SPTBN4: variants seen among roughly 807,000 people sequenced by gnomAD.
The protein encoded by SPTBN4 is spectrin beta chain, non-erythrocytic 4.
SPTBN4 carries 96 observed loss-of-function variants against 277.8 expected under a neutral mutation model. The ratio of observed to expected loss-of-function variants is 0.35; its 90% CI spans 0.29 to 0.41. SPTBN4 has a LOEUF of 0.41. Among genes scored for constraint, SPTBN4 ranks in the 10% least tolerant of loss-of-function variants. The pLI is 1.00. For missense variants in SPTBN4, 3,006 were observed against 3,595.7 expected (o/e 0.84, Z 4.19); for synonymous variants, 1,481 against 1,580.3 (o/e 0.94, Z 1.49).
chr19:40,555,249 G>A (rs979789032), intron 24 of SPTBN4: 1 of 152,276 alleles, frequency 6.6e-6, no homozygotes, highest in Admixed American at 6.6e-5. Context: ...GAAACCGGGT[G>A]AGGCTGCCGA....
At chr19:40,553,323 AT>A (rs540467523) in intron 22 of SPTBN4, among the ~76,000 whole-genome samples, 25 of 152,152 alleles carry the variant, frequency 1.6e-4, no homozygotes, top group Non-Finnish European at 3.2e-4. Context: ...CTCCAAAAAT[AT>A]TTTTTAAAAT....
At chr19:40,529,010 C>A in intron 17 of SPTBN4, 31 bp from the exon 18 acceptor site, 1 of 1,598,440 alleles carries the variant, frequency 6.3e-7, no homozygotes, top group Non-Finnish European at 8.6e-7. Context: ...AACCCGGGGC[C>A]TTTCCCCAGC....
intron 17 of SPTBN4, chr19:40,524,746 T>C (rs2080570336): frequency 2.6e-6 from 1 of 392,086 alleles, no homozygotes; most frequent in Admixed American, 2.9e-5. Flanking sequence ...AGTGAGTGTC[T>C]GCATGTCTCT....
intron 12 of SPTBN4, among the ~76,000 whole-genome samples, chr19:40,505,414 G>A (rs1480540706): frequency 2.7e-5 from 4 of 145,764 alleles, no homozygotes; most frequent in Non-Finnish European, 4.5e-5. Flanking sequence ...AGAAGAAGCC[G>A]GGCACGGTGG....
intron 7 of SPTBN4, among the ~76,000 whole-genome samples, chr19:40,500,724 G>A (rs1049228932): frequency 2.6e-5 from 4 of 152,108 alleles, no homozygotes; most frequent in African/African-American, 4.8e-5. Flanking sequence ...GTGTGTGCCT[G>A]TAATCTCAGC....
chr19:40,494,090 G>A (rs2080168008), intron 5 of SPTBN4, among the ~76,000 whole-genome samples: 2 of 150,508 alleles, frequency 1.3e-5, no homozygotes, highest in Admixed American at 6.6e-5. Flanking sequence ...CTGCCCTGCA[G>A]GGAGCAGTAA....
At chr19:40,498,111 A>G (rs1378144989) in intron 7 of SPTBN4, among the ~76,000 whole-genome samples, 1 of 151,024 alleles carries the variant, frequency 6.6e-6, no homozygotes, top group African/African-American at 2.4e-5. Flanking sequence ...GCCCATCCCC[A>G]TGTCTATCTC....
At chr19:40,550,445 T>A in intron 22 of SPTBN4, 118 bp downstream of exon 22, 3 of 854,564 alleles carry the variant, frequency 3.5e-6, no homozygotes, top group Non-Finnish European at 5.6e-6. Context: ...AACAAGACTG[T>A]GGACAGCAGA....
At chr19:40,534,648 A>C in intron 20 of SPTBN4, 1 of 387,110 alleles carries the variant, frequency 2.6e-6, no homozygotes, top group Non-Finnish European at 4.8e-6. Flanking sequence ...GGATGGAGAA[A>C]CCAAGGCTCA....
chr19:40,503,375 G>A (rs1205029791), intron 11 of SPTBN4, among the ~76,000 whole-genome samples: 1 of 152,030 alleles, frequency 6.6e-6, no homozygotes, highest in African/African-American at 2.4e-5. Flanking sequence ...ACAGGAGGGT[G>A]GGACTTGTTT....
intron 27 of SPTBN4, among the ~76,000 whole-genome samples, chr19:40,561,168 C>T (rs1461531532): frequency 1.3e-5 from 2 of 152,258 alleles, no homozygotes; most frequent in Non-Finnish European, 2.9e-5. Flanking sequence ...CGCCCACCAC[C>T]ACGTCTGGCT....
chr19:40,506,030 G>A (rs1238394659), intron 12 of SPTBN4, among the ~76,000 whole-genome samples: 1 of 152,196 alleles, frequency 6.6e-6, no homozygotes, highest in Non-Finnish European at 1.5e-5. Flanking sequence ...CAGCAGCTGG[G>A]GCTCAGCTTT....
rs969051282 is a variant in SPTBN4, at chr19:40,566,286, G to A, written c.6263G>A (p.Arg2088Gln). Reference protein sequence around the residue: ...SSVDEVEQLIRRHEAFRKAAA... With the variant: ...SSVDEVEQLIQRHEAFRKAAA... Reference sequence around the variant, plus strand: ...GTGGATGAGGTGGAGCAGCTTATCCGGCGACATGAGGCCTTCCGCAAAGCG... The same window carrying A: ...GTGGATGAGGTGGAGCAGCTTATCCAGCGACATGAGGCCTTCCGCAAAGCG... The change falls in exon 30 of 36, where the codon CGG becomes CAG. Residue 2088 changes from arginine to glutamine, a missense_variant. Arg to Gln is a conservative substitution (Grantham distance 43, BLOSUM62 1). This residue lies in a region of SPTBN4 where 425 missense variants were observed against 594.7 expected (regional missense o/e 0.71). Coordinates refer to ENST00000598249, the MANE Select transcript of SPTBN4 (RefSeq NM_020971.3). 1.0e-5 allele frequency: 16 copies of A among 1,591,648 alleles called. No homozygotes were observed. Among genetic ancestry groups the A allele is most frequent in the East Asian group, 2.3e-5 (1 of 43,860 alleles).
rs754835600 is a variant in SPTBN4, at chr19:40,490,797, C to T, written c.495+549C>T. 6.6e-6 allele frequency among the ~76,000 whole-genome samples: 1 copy of T among 152,178 alleles called. No individual in the cohort carries two copies. The highest frequency in any genetic ancestry group is 2.4e-5 in the African/African-American group (1 of 41,518). On this transcript the variant is annotated intron_variant, in intron 4 of 35. Transcript: ENST00000598249. The surrounding 1 kb of genome is among the most constrained non-coding windows in gnomAD (Gnocchi z 4.3). ...GGGCCAGGTGAAGTGGCCTGTAAACCCAGCACTTTGCGAGGCTGAGATGGG... is the reference window on the plus strand; with the variant it reads ...GGGCCAGGTGAAGTGGCCTGTAAACTCAGCACTTTGCGAGGCTGAGATGGG...
chr19:40,560,638 C>A lies in SPTBN4; in HGVS notation c.5915+235C>A. On this transcript the variant is annotated intron_variant, in intron 27 of 35. Transcript: ENST00000598249. The surrounding 1 kb of genome is among the most constrained non-coding windows in gnomAD (Gnocchi z 5.2). ...TTCTGTCCGCTGTCCTTCCCAGTTG[C>A]CTATTATTACCCTCTCCATGGGATG... is the stretch of plus-strand genomic sequence containing the variant. 1.4e-6 allele frequency: 2 copies of A among 1,432,892 alleles called. No individual in the cohort carries two copies. Among genetic ancestry groups the A allele is most frequent in the South Asian group, 1.5e-5 (1 of 66,930 alleles). The allele number at this position is 1,432,892 out of a possible 1,614,324, so 88.8% of individuals were successfully genotyped here. A position where few individuals can be genotyped will look rare whatever the true frequency, so the allele number is the denominator to read the frequency against.
chr19:40,490,398 T>C lies in SPTBN4; in HGVS notation c.495+150T>C. 9.3e-7 allele frequency: 1 copy of C among 1,070,492 alleles called. No individual in the cohort carries two copies. Among genetic ancestry groups the C allele is most frequent in the Non-Finnish European group, 1.3e-6 (1 of 758,758 alleles). 66.3% of individuals were successfully genotyped at this position (1,070,492 alleles called of 1,614,324 possible). ...TTAGGGATGAAAATAATGATAAAAA[T>C]AATTGTCACGATCACCACCATCACG... is the stretch of plus-strand genomic sequence containing the variant. On this transcript the variant is annotated intron_variant, in intron 4 of 35. Coordinates refer to ENST00000598249, the MANE Select transcript of SPTBN4 (RefSeq NM_020971.3). This position sits in a 1 kb window ranked among gnomAD's most constrained non-coding sequence, Gnocchi z 4.3.
At chr19:40,467,894 G>A (rs1051646332) in intron 1 of SPTBN4, among the ~76,000 whole-genome samples, 2 of 152,216 alleles carry the variant, frequency 1.3e-5, no homozygotes, top group Non-Finnish European at 2.9e-5. Flanking sequence ...GAATAAAGCG[G>A]AACTTGAACT....
At chr19:40,483,325 A>C (rs2080033478) in intron 2 of SPTBN4, among the ~76,000 whole-genome samples, 1 of 152,116 alleles carries the variant, frequency 6.6e-6, no homozygotes, top group Admixed American at 6.6e-5. Flanking sequence ...CAGAGGAATA[A>C]ATCCTCAATT....
chr19:40,507,778 T>C (rs952156652), intron 13 of SPTBN4, among the ~76,000 whole-genome samples: 2 of 152,086 alleles, frequency 1.3e-5, no homozygotes, highest in African/African-American at 4.8e-5. Context: ...GAGGTTGCCA[T>C]GAGCCGAGAT....
Sources: allele counts gnomAD v4.1 joint callset (sites outside exome capture counted in the v4.1 genomes callset), GRCh38; gene constraint gnomAD v4.1.1; regional missense constraint gnomAD v4.1.1; non-coding constraint Gnocchi (gnomAD v3.1); transcripts MANE v1.5; gene names NCBI Gene and HGNC (gene_info 2026-07-23, HGNC 2026-07-21).